The following SETD1B variants were observed in gnomAD, a reference collection of about 807,000 sequenced individuals.
The protein encoded by SETD1B is SET domain containing 1B, histone lysine methyltransferase.
Under a neutral mutation model 148.0 loss-of-function variants are expected in SETD1B, and 7 were observed. That is an observed-to-expected ratio of 0.05 (90% CI 0.03 to 0.09). The LOEUF (loss-of-function observed/expected upper bound fraction) is 0.09, where lower values mean the gene tolerates loss of function less well. SETD1B is among the 10% of genes least tolerant of loss of function. The pLI, the probability that SETD1B is intolerant of heterozygous loss-of-function variation, is 1.00. For synonymous variants in SETD1B, 1,361 were observed against 1,186.5 expected, an observed-to-expected ratio of 1.15 and a Z score of -3.02; for missense variants, 2,155 against 2,729.9, an observed-to-expected ratio of 0.79 and a Z score of 4.69.
At chr12:121,791,683 C>T in the SETD1B span, among the ~76,000 whole-genome samples, 1 of 152,240 alleles carries the variant, frequency 6.6e-6, no homozygotes, top group African/African-American at 2.4e-5. Flanking sequence ...TCTCTCTGGG[C>T]AAGGCCAGAA....
Position 121,809,897 on chromosome 12 carries a change from A to G in SETD1B, c.952A>G (p.Thr318Ala), listed in dbSNP as rs1875932943. The change falls in exon 6 of 17, where the codon ACG becomes GCG. Residue 318 changes from threonine to alanine, a missense_variant. Transcript: ENST00000604567. ...FKARRHESKF[T>A]DAYNRRHEHH... ...GGCCCGGCGCCACGAGAGCAAGTTC[A>G]CGGACGCCTACAACCGCCGCCACGA... The G allele has an allele frequency of 6.4e-7, 1 of 1,550,752 alleles. No homozygotes were observed. The highest frequency in any genetic ancestry group is 8.7e-7 in the Non-Finnish European group (1 of 1,146,962).
chr12:121,801,546 A>G (rs1875363874), upstream of SETD1B: 1 of 152,656 alleles, frequency 6.6e-6, no homozygotes, highest in Non-Finnish European at 1.5e-5. Flanking sequence ...AAGGGGCAAA[A>G]GGCACTTTTT....
In SETD1B at chr12:121,823,291, C is replaced by A. The variant is rs1319386063; in HGVS notation, c.4712C>A (p.Thr1571Asn). 1 of 1,549,430 alleles carries A rather than the reference C, an allele frequency of 6.5e-7. No individual in the cohort carries two copies. The highest frequency in any genetic ancestry group is 8.7e-7 in the Non-Finnish European group (1 of 1,146,752). ...FPSTHDPRTVTLDFRNAGIPA... is the reference protein window; with the variant it reads ...FPSTHDPRTVNLDFRNAGIPA... Reference sequence around the variant, plus strand: ...AGCACCCATGACCCCCGGACGGTGACCCTGGACTTCCGGAACGCGGGGATC... The same window carrying A: ...AGCACCCATGACCCCCGGACGGTGAACCTGGACTTCCGGAACGCGGGGATC... The change falls in exon 12 of 17, where the codon ACC (threonine) becomes AAC (asparagine). Residue 1571 changes from threonine to asparagine, a missense_variant. By Grantham distance (65) the Thr-to-Asn change is moderately conservative (BLOSUM62 0). Around this residue, in one of 11 missense-constraint regions of SETD1B, gnomAD observed 862 missense variants for 873.8 expected, o/e 0.99. Coordinates refer to ENST00000604567, the MANE Select transcript of SETD1B (RefSeq NM_001353345.2).
In SETD1B at chr12:121,814,204, C is replaced by A; in HGVS notation, c.1989C>A (p.Thr663=). Residue 663 remains threonine (T), a synonymous_variant, in exon 7 of 17, where the codon ACC becomes ACA. Coordinates refer to ENST00000604567, the MANE Select transcript of SETD1B (RefSeq NM_001353345.2). ...SADCPKPMVV[T]PGAAAVAAPS... ...ACTGCCCCAAGCCCATGGTGGTGAC[C>A]CCAGGAGCGGCAGCCGTGGCAGCCC... 6.5e-7 allele frequency: 1 copy of A among 1,543,616 alleles called. No individual in the cohort carries two copies. Among genetic ancestry groups the A allele is most frequent in the Non-Finnish European group, 8.7e-7 (1 of 1,146,002 alleles).
At chr12:121,806,443 G>A (rs1328144472) in intron 4 of SETD1B, among the ~76,000 whole-genome samples, 1 of 152,134 alleles carries the variant, frequency 6.6e-6, no homozygotes. Context: ...CTGTGTTAGG[G>A]GAGGAGACAG....
Position 121,805,209 on chromosome 12 carries a change from A to G in SETD1B, c.266A>G (p.Lys89Arg), listed in dbSNP as rs961092095. The G allele has an allele frequency of 5.0e-5, 78 of 1,550,148 alleles. No homozygotes were observed. The highest frequency in any genetic ancestry group is 6.7e-5 in the Non-Finnish European group (77 of 1,146,834). The change falls in exon 3 of 17, where the codon AAA becomes AGA. Residue 89 changes from lysine (K) to arginine (R), a missense_variant. This residue lies in a region of SETD1B where 124 missense variants were observed against 282.9 expected (regional missense o/e 0.44). Coordinates refer to ENST00000604567, the MANE Select transcript of SETD1B (RefSeq NM_001353345.2). The surrounding 1 kb of genome is among the most constrained non-coding windows in gnomAD (Gnocchi z 4.2). The part of the protein sequence containing the change: ...KNKELELSVP[K>R]FKIDEFYVGP... ...AAGGAGCTGGAGCTGTCGGTGCCCA[A>G]ATTCAAGGTAGGACCCCTCCCCACT...
intron 6 of SETD1B, among the ~76,000 whole-genome samples, chr12:121,812,080 G>C (rs1876060414): frequency 6.6e-6 from 1 of 152,200 alleles, no homozygotes; most frequent in African/African-American, 2.4e-5. Context: ...GCGAGGGTCT[G>C]GGACTGCCCG....
At chr12:121,813,775 C>T (rs112212129) in intron 6 of SETD1B, among the ~76,000 whole-genome samples, 87 of 152,302 alleles carry the variant, frequency 5.7e-4, no homozygotes, top group Non-Finnish European at 1.0e-3. Context: ...ATCCTTTTGC[C>T]TTTTCCTGCT....
rs1317101075 is a variant in SETD1B, at chr12:121,809,626, C to T, written c.681C>T (p.Leu227=). The change falls in exon 6 of 17, where the codon CTC becomes CTT. Residue 227 remains leucine, a synonymous_variant. Transcript: ENST00000604567. ...TLQLSDALKR[L]KDGGLSAGCG... is the part of the protein sequence containing the mutation. ...AGCTGTCAGATGCCCTGAAGCGCCTCAAGGATGGAGGCCTGTCTGCAGGCT... is the reference window on the plus strand; with the variant it reads ...AGCTGTCAGATGCCCTGAAGCGCCTTAAGGATGGAGGCCTGTCTGCAGGCT... The T allele has an allele frequency of 6.4e-7, 1 of 1,550,612 alleles. No homozygotes were observed. The highest frequency in any genetic ancestry group is 8.7e-7 in the Non-Finnish European group (1 of 1,146,436).
chr12:121,796,497 C>G, the SETD1B span, among the ~76,000 whole-genome samples: 6 of 152,164 alleles, frequency 3.9e-5, no homozygotes, highest in African/African-American at 1.2e-4. Context: ...GCTGTGGCAC[C>G]CACTTCCCTG....
the SETD1B span, chr12:121,797,708 G>C: frequency 2.4e-6 from 1 of 422,204 alleles, no homozygotes; most frequent in East Asian, 7.1e-5. Context: ...ACCCCACCCG[G>C]AGAGCAACGA....
At chr12:121,823,849 C>T (rs759088665) in intron 12 of SETD1B, 100 bp downstream of exon 12, 491 of 1,421,768 alleles carry the variant, frequency 3.5e-4, no homozygotes, top group Non-Finnish European at 3.8e-4. Flanking sequence ...GCCCGCGGTG[C>T]CCATGAAGGT....
chr12:121,825,369 A>G lies in SETD1B; in HGVS notation c.5337+3A>G. 6.5e-7 allele frequency: 1 copy of G among 1,548,488 alleles called. No homozygotes were observed. The highest frequency in any genetic ancestry group is 8.7e-7 in the Non-Finnish European group (1 of 1,146,914). On this transcript the variant is annotated splice_donor_region_variant and intron_variant, in intron 13 of 16. Transcript: ENST00000604567. ...ATGAGCCCCCCGCAGACACCCAGGT[A>G]CTGCCAGGGCTCCTGGACACATCAG...
chr12:121,797,251 C>G, the SETD1B span: 6 of 362,176 alleles, frequency 1.7e-5, no homozygotes, highest in Non-Finnish European at 2.2e-5. Context: ...CCGGAAGAGG[C>G]GGGGATGCCG....
chr12:121,821,796 T>G (rs1876579692), intron 11 of SETD1B, among the ~76,000 whole-genome samples: 1 of 151,748 alleles, frequency 6.6e-6, no homozygotes, highest in Non-Finnish European at 1.5e-5. Flanking sequence ...GAAAAAGATG[T>G]ATTCTGTGGT....
rs1258389230 is a variant in SETD1B, at chr12:121,805,831, C to T, written c.274-4C>T. On this transcript the variant is annotated splice_polypyrimidine_tract_variant and splice_region_variant and intron_variant, in intron 3 of 16. Coordinates refer to ENST00000604567, the MANE Select transcript of SETD1B (RefSeq NM_001353345.2). This position sits in a 1 kb window ranked among gnomAD's most constrained non-coding sequence, Gnocchi z 4.2. ...AAACTCCCTTCCCCCTCGGCCCCTG[C>T]CAGATCGATGAGTTCTACGTGGGCC... 1 of 1,550,924 alleles carries T rather than the reference C, an allele frequency of 6.4e-7. No individual in the cohort carries two copies. Among genetic ancestry groups the T allele is most frequent in the South Asian group, 1.2e-5 (1 of 84,024 alleles).
chr12:121,797,391 G>T, the SETD1B span: 1 of 448,708 alleles, frequency 2.2e-6, no homozygotes, highest in Admixed American at 2.4e-5. Flanking sequence ...TGACCGGTGG[G>T]CGGGGCGCCC....
chr12:121,806,209 G>A, intron 4 of SETD1B, 104 bp downstream of exon 4: 8 of 1,286,948 alleles, frequency 6.2e-6, no homozygotes, highest in Non-Finnish European at 8.5e-6. Flanking sequence ...TCTTCCTTGG[G>A]ATCCCCCCCC....
chr12:121,805,803 T>C lies in SETD1B; in HGVS notation c.274-32T>C. 6.5e-7 allele frequency: 1 copy of C among 1,541,110 alleles called. No individual in the cohort carries two copies. The highest frequency in any genetic ancestry group is 1.2e-5 in the South Asian group (1 of 82,842). ...TGTTTTCCCTTAGGTTTAAACGTTC[T>C]TCAAACTCCCTTCCCCCTCGGCCCC... On this transcript the variant is annotated intron_variant, in intron 3 of 16. Transcript: ENST00000604567. The surrounding 1 kb of genome is among the most constrained non-coding windows in gnomAD (Gnocchi z 4.2).
Sources: allele counts gnomAD v4.1 joint callset (sites outside exome capture counted in the v4.1 genomes callset), GRCh38; gene constraint gnomAD v4.1.1; regional missense constraint gnomAD v4.1.1; non-coding constraint Gnocchi (gnomAD v3.1); transcripts MANE v1.5; gene names NCBI Gene and HGNC (gene_info 2026-07-23, HGNC 2026-07-21).